PRDM16: variants seen among roughly 807,000 people sequenced by gnomAD.
PRDM16 encodes PR/SET domain 16, also known as histone-lysine N-methyltransferase PRDM16.
A neutral mutation model predicts 110.6 loss-of-function variants in PRDM16; 23 were observed. The ratio of observed to expected loss-of-function variants is 0.21; its 90% CI spans 0.15 to 0.29. The LOEUF is 0.29. PRDM16 is among the 10% of genes least tolerant of loss of function. The probability of loss-of-function intolerance (pLI) is 1.00; values close to 1 mark genes in which losing one functional copy is unlikely to be tolerated. For missense variants in PRDM16, 1,615 were observed against 1,794.3 expected, an observed-to-expected ratio of 0.90 and a Z score of 1.81; for synonymous variants, 799 against 781.8, an observed-to-expected ratio of 1.02 and a Z score of -0.37.
chr1:3,366,275 G>A (rs1557635881), intron 3 of PRDM16, among the ~76,000 whole-genome samples: 1 of 152,246 alleles, frequency 6.6e-6, no homozygotes, highest in South Asian at 2.1e-4. Flanking sequence ...AGACAGGCTT[G>A]GCCAAAATCA....
rs1164308151 is a variant in PRDM16 at position 3,209,618 on chromosome 1, C to T, written c.387+23144C>T. Among the ~76,000 whole-genome samples, 1 of 152,228 alleles carries T rather than the reference C, an allele frequency of 6.6e-6. No individual in the cohort carries two copies. Among genetic ancestry groups the T allele is most frequent in the African/African-American group, 2.4e-5 (1 of 41,452 alleles). Reference sequence around the variant, plus strand: ...CTCAGTGGAATGTCCTGGAACCTCACTTCGGGATCCTTTGTCGAGACCAAT... The same window carrying T: ...CTCAGTGGAATGTCCTGGAACCTCATTTCGGGATCCTTTGTCGAGACCAAT... On this transcript the variant is annotated intron_variant, in intron 2 of 16. Coordinates refer to ENST00000270722, the MANE Select transcript of PRDM16 (RefSeq NM_022114.4). The surrounding 1 kb of genome is among the most constrained non-coding windows in gnomAD (Gnocchi z 4.6).
chr1:3,294,083 C>T (rs1178061498), intron 3 of PRDM16, among the ~76,000 whole-genome samples: 1 of 152,176 alleles, frequency 6.6e-6, no homozygotes, highest in African/African-American at 2.4e-5. Flanking sequence ...ATGTGCCCAC[C>T]TGAGCCTTGG....
intron 3 of PRDM16, among the ~76,000 whole-genome samples, chr1:3,333,890 C>T (rs748700752): frequency 6.6e-6 from 1 of 152,198 alleles, no homozygotes; most frequent in Non-Finnish European, 1.5e-5. Context: ...AGGCTCCCCT[C>T]CCCTTCTGCC....
chr1:3,145,689 G>A (rs1643634982), intron 1 of PRDM16, among the ~76,000 whole-genome samples: 1 of 152,240 alleles, frequency 6.6e-6, no homozygotes, highest in South Asian at 2.1e-4. Context: ...CGCCCCACCC[G>A]CTCCCGGTCT....
At chr1:3,269,703 G>A (rs1379683412) in intron 3 of PRDM16, among the ~76,000 whole-genome samples, 3 of 151,554 alleles carry the variant, frequency 2.0e-5, no homozygotes, top group Admixed American at 1.3e-4. Flanking sequence ...GGACAGTCAG[G>A]AGGAGCACAG....
chr1:3,109,740 T>C (rs1292996787), intron 1 of PRDM16, among the ~76,000 whole-genome samples: 4 of 152,220 alleles, frequency 2.6e-5, no homozygotes, highest in Non-Finnish European at 4.4e-5. Flanking sequence ...CAAACGAGTA[T>C]GGGAGTTATT....
intron 3 of PRDM16, among the ~76,000 whole-genome samples, chr1:3,320,045 C>T (rs556342622): frequency 1.3e-5 from 2 of 152,276 alleles, no homozygotes; most frequent in Non-Finnish European, 2.9e-5. Context: ...GGCCTGGTGG[C>T]CACACCTACC....
At chr1:3,180,966 A>G (rs1016144970) in intron 1 of PRDM16, among the ~76,000 whole-genome samples, 5 of 138,684 alleles carry the variant, frequency 3.6e-5, no homozygotes, top group African/African-American at 1.4e-4. Context: ...AGTCTTACAC[A>G]CTCGGTCTTA....
At chr1:3,142,559 G>A (rs887677462) in intron 1 of PRDM16, among the ~76,000 whole-genome samples, 3 of 152,210 alleles carry the variant, frequency 2.0e-5, no homozygotes, top group Admixed American at 6.5e-5. Flanking sequence ...ATCCAAAGGC[G>A]TGTGGCACCC....
chr1:3,252,008 G>A (rs1415934871), intron 3 of PRDM16, among the ~76,000 whole-genome samples: 2 of 152,232 alleles, frequency 1.3e-5, no homozygotes, highest in East Asian at 1.9e-4. Flanking sequence ...TCGTTACCAC[G>A]ATTCTCATCA....
At chr1:3,322,278 G>A (rs1412598316) in intron 3 of PRDM16, among the ~76,000 whole-genome samples, 1 of 152,168 alleles carries the variant, frequency 6.6e-6, no homozygotes, top group African/African-American at 2.4e-5. Context: ...GTATAGCAGT[G>A]GCCTGGGAGC....
Position 3,404,822 on chromosome 1 carries a change from A to T in PRDM16, c.968A>T (p.Asn323Ile), listed in dbSNP as rs1557656054. ...CCCAAGGCCTTCAACTGGAAGTCCA[A>T]CCTCATCCGCCACCAGATGTCCCAC... is the stretch of plus-strand genomic sequence containing the variant. Reference protein sequence around the residue: ...QCPKAFNWKSNLIRHQMSHDS... With the variant: ...QCPKAFNWKSILIRHQMSHDS... Residue 323 changes from asparagine to isoleucine, a missense_variant, in exon 7 of 17, where the codon AAC (asparagine) becomes ATC (isoleucine). Asn to Ile is a moderately radical substitution (Grantham distance 149). Around this residue, in one of 5 missense-constraint regions of PRDM16, gnomAD observed 416 missense variants for 467.1 expected, o/e 0.89. Coordinates refer to ENST00000270722, the MANE Select transcript of PRDM16 (RefSeq NM_022114.4). 1 of 1,613,586 alleles carries T rather than the reference A, an allele frequency of 6.2e-7. No individual in the cohort carries two copies. The highest frequency in any genetic ancestry group is 8.5e-7 in the Non-Finnish European group (1 of 1,180,000).
intron 1 of PRDM16, among the ~76,000 whole-genome samples, chr1:3,094,886 C>G (rs1003237802): frequency 9.5e-6 from 1 of 105,088 alleles, no homozygotes; most frequent in African/African-American, 2.9e-5. Context: ...CCAGGTGTGT[C>G]TTCCTTCCTG....
At chr1:3,139,205 C>A (rs1020462147) in intron 1 of PRDM16, among the ~76,000 whole-genome samples, 1 of 152,162 alleles carries the variant, frequency 6.6e-6, no homozygotes, top group Admixed American at 6.5e-5. Flanking sequence ...CATTTTAGCT[C>A]CACTTGGTGC....
chr1:3,351,647 T>C (rs1304348708), intron 3 of PRDM16, among the ~76,000 whole-genome samples: 1 of 2,768 alleles, frequency 3.6e-4, no homozygotes, highest in Non-Finnish European at 7.3e-4. Flanking sequence ...TCTCTCCATC[T>C]CTCTCTCTCC....
intron 1 of PRDM16, among the ~76,000 whole-genome samples, chr1:3,106,874 G>A (rs1438003699): frequency 6.6e-6 from 1 of 152,192 alleles, no homozygotes; most frequent in Admixed American, 6.5e-5. Flanking sequence ...GTGGGCACCT[G>A]TTCTCTAGTG....
chr1:3,314,073 G>GGGT lies in PRDM16; in HGVS notation c.438+69938_438+69939insTGG, dbSNP rs1641537328. On this transcript the variant is annotated intron_variant, in intron 3 of 16. Coordinates refer to ENST00000270722, the MANE Select transcript of PRDM16 (RefSeq NM_022114.4). ...CCCCGAATGCCGTCCTTCCCCACCG[G>GGGT]GGGGGGGGGCGGGAACATAAAATGG... Among the ~76,000 whole-genome samples, 6 of 141,720 alleles carry GGGT rather than the reference G, an allele frequency of 4.2e-5. 2 individuals carry two copies. Among genetic ancestry groups the GGGT allele is most frequent in the East Asian group, 3.9e-4 (2 of 5,064 alleles). 93.0% of individuals were successfully genotyped at this position (141,720 alleles called of 152,430 possible).
At chr1:3,320,735 C>G (rs1641721214) in intron 3 of PRDM16, among the ~76,000 whole-genome samples, 1 of 152,228 alleles carries the variant, frequency 6.6e-6, no homozygotes, top group Non-Finnish European at 1.5e-5. Context: ...TCTTTGATCT[C>G]CATCGATCTC....
chr1:3,332,023 G>A (rs957420705), intron 3 of PRDM16, among the ~76,000 whole-genome samples: 5 of 152,352 alleles, frequency 3.3e-5, no homozygotes, highest in South Asian at 2.1e-4. Context: ...AACAGGGGAC[G>A]GGCTTGGAGG....
Sources: allele counts gnomAD v4.1 joint callset (sites outside exome capture counted in the v4.1 genomes callset), GRCh38; gene constraint gnomAD v4.1.1; regional missense constraint gnomAD v4.1.1; non-coding constraint Gnocchi (gnomAD v3.1); transcripts MANE v1.5; gene names NCBI Gene and HGNC (gene_info 2026-07-23, HGNC 2026-07-21).